PLCZ1: variants seen among roughly 807,000 people sequenced by gnomAD.
PLCZ1 encodes the protein phospholipase C zeta 1.
In PLCZ1, 64 loss-of-function variants were observed where a neutral mutation model predicts 76.8. The observed-to-expected ratio is 0.83, with a 90% CI of 0.68 to 1.03. The LOEUF is 1.03. Ranked by LOEUF, PLCZ1 falls within the 50% of genes least tolerant of loss-of-function variation. The pLI is 0.00. For synonymous variants in PLCZ1, 248 were observed against 230.8 expected, an observed-to-expected ratio of 1.07 and a Z score of -0.68; for missense variants, 751 against 713.7, an observed-to-expected ratio of 1.05 and a Z score of -0.60.
At chr12:18,691,901 G>A (rs558538391) in intron 12 of PLCZ1, among the ~76,000 whole-genome samples, 3 of 152,214 alleles carry the variant, frequency 2.0e-5, no homozygotes, top group Admixed American at 6.5e-5. Context: ...TTCTAGTCCT[G>A]GTCATCTTTG....
downstream of PLCZ1, among the ~76,000 whole-genome samples, chr12:18,680,490 A>G (rs2137015869): frequency 6.6e-6 from 1 of 152,148 alleles, no homozygotes; most frequent in Non-Finnish European, 1.5e-5. Flanking sequence ...ATTTACCTCC[A>G]GTGACCATCA....
In PLCZ1 at chr12:18,719,500, GAAATA is replaced by G; in HGVS notation, c.495_499del (p.Ser167PhefsTer3). 6.3e-7 allele frequency: 1 copy of G among 1,587,384 alleles called. No homozygotes were observed. The highest frequency in any genetic ancestry group is 1.3e-5 in the African/African-American group (1 of 74,328). ...TACCAAATATGTGTTATGTGAAGAT[GAAATA>G]AAATAATCATTTAATGGATGAGTCA... is the stretch of plus-strand genomic sequence containing the variant. On this transcript the variant is annotated frameshift_variant, in exon 5 of 15. Transcript: ENST00000266505. LOFTEE classifies it high-confidence loss of function.
chr12:18,674,666 C>T, the PLCZ1 span, among the ~76,000 whole-genome samples: 1 of 152,172 alleles, frequency 6.6e-6, no homozygotes, highest in Non-Finnish European at 1.5e-5. Flanking sequence ...TTTGCAACTA[C>T]TCCCATGAAG....
chr12:18,716,168 T>C (rs757589986), intron 5 of PLCZ1, among the ~76,000 whole-genome samples: 1 of 152,106 alleles, frequency 6.6e-6, no homozygotes, highest in African/African-American at 2.4e-5. Flanking sequence ...TGACGGTAAA[T>C]TGTCTTGCCT....
At chr12:18,659,624 G>T in the PLCZ1 span, among the ~76,000 whole-genome samples, 3 of 149,760 alleles carry the variant, frequency 2.0e-5, no homozygotes, top group East Asian at 5.9e-4. Flanking sequence ...TACGTGTCAG[G>T]CCTCTTAAGT....
At chr12:18,668,273 G>A in the PLCZ1 span, among the ~76,000 whole-genome samples, 1 of 152,176 alleles carries the variant, frequency 6.6e-6, no homozygotes, top group Non-Finnish European at 1.5e-5. Flanking sequence ...TTTTCATTAA[G>A]TATTTACATG....
At chr12:18,654,044 C>G in the PLCZ1 span, among the ~76,000 whole-genome samples, 20 of 151,832 alleles carry the variant, frequency 1.3e-4, no homozygotes, top group South Asian at 3.7e-3. Flanking sequence ...GCAATGGTAG[C>G]AGAAGAAGGA....
At chr12:18,718,689 C>G (rs1242205038) in intron 5 of PLCZ1, among the ~76,000 whole-genome samples, 2 of 152,112 alleles carry the variant, frequency 1.3e-5, no homozygotes, top group African/African-American at 4.8e-5. Flanking sequence ...TAAGTAACAC[C>G]CTCCACCCCA....
At chr12:18,687,147 A>G (rs2137074030) in intron 13 of PLCZ1, among the ~76,000 whole-genome samples, 1 of 152,242 alleles carries the variant, frequency 6.6e-6, no homozygotes, top group South Asian at 2.1e-4. Context: ...CATTGATAAC[A>G]TAGGATAAGG....
At chr12:18,724,829 T>G (rs971630895) in intron 3 of PLCZ1, among the ~76,000 whole-genome samples, 3 of 152,142 alleles carry the variant, frequency 2.0e-5, no homozygotes, top group Admixed American at 2.0e-4. Flanking sequence ...CCCTGAAAAT[T>G]TTGGTTATAG....
chr12:18,707,617 A>C (rs1001281821), intron 6 of PLCZ1, among the ~76,000 whole-genome samples: 7 of 152,064 alleles, frequency 4.6e-5, no homozygotes, highest in African/African-American at 1.7e-4. Context: ...GTCCCTTAAA[A>C]CTTAGATTTC....
At chr12:18,671,082 CAGG>C in the PLCZ1 span, among the ~76,000 whole-genome samples, 14 of 150,980 alleles carry the variant, frequency 9.3e-5, no homozygotes, top group African/African-American at 3.2e-4. Flanking sequence ...GAGGCTGAGG[CAGG>C]AGAATTACTT....
chr12:18,646,560 G>A, the PLCZ1 span, among the ~76,000 whole-genome samples: 1 of 152,244 alleles, frequency 6.6e-6, no homozygotes, highest in Non-Finnish European at 1.5e-5. Context: ...AGTACTGGAA[G>A]CTAAATCCAT....
chr12:18,667,293 T>C, the PLCZ1 span, among the ~76,000 whole-genome samples: 1 of 152,158 alleles, frequency 6.6e-6, no homozygotes, highest in Non-Finnish European at 1.5e-5. Flanking sequence ...GTGTAATATC[T>C]TAATTAAACC....
chr12:18,667,556 C>A, the PLCZ1 span, among the ~76,000 whole-genome samples: 1 of 152,028 alleles, frequency 6.6e-6, no homozygotes, highest in East Asian at 1.9e-4. Flanking sequence ...TTTTTTTCTT[C>A]TATTTTTACT....
intron 12 of PLCZ1, chr12:18,693,086 G>C: frequency 6.6e-7 from 1 of 1,511,750 alleles, no homozygotes. Context: ...ATGATCTGAG[G>C]GGGACCCCAA....
intron 4 of PLCZ1, 35 bp from the exon 5 acceptor site, chr12:18,719,667 CA>C (rs1459939073): frequency 7.0e-7 from 1 of 1,429,600 alleles, no homozygotes; most frequent in South Asian, 1.3e-5. Context: ...TAAAAGGATG[CA>C]AAAATACCAT....
intron 3 of PLCZ1, among the ~76,000 whole-genome samples, chr12:18,730,014 A>G (rs905116857): frequency 6.6e-6 from 1 of 152,122 alleles, no homozygotes; most frequent in Non-Finnish European, 1.5e-5. Context: ...TACTAGGTAT[A>G]TTCATACATA....
rs1228625053 is a variant in PLCZ1 at position 18,683,224 on chromosome 12, A to G, written c.*15T>C. 4 of 1,609,248 alleles carry G rather than the reference A, an allele frequency of 2.5e-6. No individual in the cohort carries two copies. The South Asian group carries it at 4.4e-5, about 18-fold the overall frequency. On this transcript the variant is annotated 3_prime_UTR_variant, in exon 15 of 15. Transcript: ENST00000266505. Reference sequence around the variant, plus strand: ...TGCGATGCATAGCTAATGATATGTCATTTATCATTAGCTGTTATCTGACGT... The same window carrying G: ...TGCGATGCATAGCTAATGATATGTCGTTTATCATTAGCTGTTATCTGACGT...
Sources: gnomAD v4.1 joint callset for allele counts (sites outside exome capture counted in the v4.1 genomes callset) on GRCh38, gnomAD v4.1.1 for gene constraint, MANE v1.5 for transcripts, NCBI Gene and HGNC (gene_info 2026-07-23, HGNC 2026-07-21) for gene names.